Variants in PLCZ1 observed in about 807,000 individuals in gnomAD.
The protein encoded by PLCZ1 is 1-phosphatidylinositol 4,5-bisphosphate phosphodiesterase zeta-1.
In PLCZ1, 64 loss-of-function variants were observed where a neutral mutation model predicts 76.8. That is an observed-to-expected ratio of 0.83 (90% CI 0.68 to 1.03). The LOEUF is 1.03. PLCZ1 is among the 50% of genes least tolerant of loss of function. The pLI, the probability that PLCZ1 is intolerant of heterozygous loss-of-function variation, is 0.00. For missense variants in PLCZ1, 751 were observed against 713.7 expected, an observed-to-expected ratio of 1.05 and a Z score of -0.60; for synonymous variants, 248 against 230.8, an observed-to-expected ratio of 1.07 and a Z score of -0.68.
At chr12:18,657,780 G>A in the PLCZ1 span, among the ~76,000 whole-genome samples, 1 of 152,078 alleles carries the variant, frequency 6.6e-6, no homozygotes, top group Non-Finnish European at 1.5e-5. Context: ...ACAAAAAATT[G>A]TGAAGTGTGC....
intron 6 of PLCZ1, among the ~76,000 whole-genome samples, chr12:18,706,374 A>AT (rs1956621257): frequency 6.6e-6 from 1 of 152,202 alleles, no homozygotes; most frequent in African/African-American, 2.4e-5. Flanking sequence ...ATATTTAGAG[A>AT]TTTTAAAAAG....
chr12:18,716,830 A>T (rs1284062718), intron 5 of PLCZ1, among the ~76,000 whole-genome samples: 1 of 152,184 alleles, frequency 6.6e-6, no homozygotes, highest in Non-Finnish European at 1.5e-5. Context: ...TTGAAGTTGA[A>T]TTTTAACTGG....
chr12:18,684,615 A>G lies in PLCZ1; in HGVS notation c.1592-336T>C, dbSNP rs150932950. Among the ~76,000 whole-genome samples, 95 of 152,214 alleles carry G rather than the reference A, an allele frequency of 6.2e-4. 2 individuals are homozygous for G. Among genetic ancestry groups the G allele is most frequent in the African/African-American group, 2.2e-3 (90 of 41,568 alleles). ...TCATTAAGTGGCAGATCAGGAATTC[A>G]AAAACGGGGAGTCTGACTTCAGAGC... On this transcript the variant is annotated intron_variant, in intron 13 of 14. Transcript: ENST00000266505.
the PLCZ1 span, among the ~76,000 whole-genome samples, chr12:18,671,647 A>AT: frequency 6.6e-6 from 1 of 152,160 alleles, no homozygotes; most frequent in Non-Finnish European, 1.5e-5. Context: ...TATATTGGAT[A>AT]TAAAAAAAAA....
intron 7 of PLCZ1, among the ~76,000 whole-genome samples, chr12:18,702,636 C>G (rs1592129902): frequency 6.6e-6 from 1 of 152,036 alleles, no homozygotes; most frequent in Non-Finnish European, 1.5e-5. Context: ...ACCAAATGCA[C>G]TCTGCAATCC....
intron 12 of PLCZ1, chr12:18,693,449 T>TA (rs1954449162): frequency 6.2e-7 from 1 of 1,605,672 alleles, no homozygotes; most frequent in Non-Finnish European, 8.5e-7. Context: ...GGTCATTCTC[T>TA]GTGGTCCACC....
intron 12 of PLCZ1, 85 bp downstream of exon 12, chr12:18,694,825 A>T (rs1954717682): frequency 9.2e-7 from 1 of 1,081,224 alleles, no homozygotes; most frequent in Non-Finnish European, 1.3e-6. Context: ...AAATTGAAGC[A>T]AATCAGTGGA....
chr12:18,726,952 A>C (rs1477910453), intron 3 of PLCZ1, among the ~76,000 whole-genome samples: 1 of 152,042 alleles, frequency 6.6e-6, no homozygotes, highest in Non-Finnish European at 1.5e-5. Context: ...CAGATACTAT[A>C]CTGGGTAACA....
At chr12:18,708,154 C>G (rs1422018418) in intron 6 of PLCZ1, among the ~76,000 whole-genome samples, 1 of 152,156 alleles carries the variant, frequency 6.6e-6, no homozygotes, top group African/African-American at 2.4e-5. Flanking sequence ...CTCTGACCTA[C>G]CTTTCTCCAT....
chr12:18,684,474 G>A (rs1013319744), intron 13 of PLCZ1, among the ~76,000 whole-genome samples, 195 bp from the exon 14 acceptor site: 2 of 151,972 alleles, frequency 1.3e-5, no homozygotes, highest in African/African-American at 4.8e-5. Context: ...CTATTGCTGG[G>A]CAATGTTCTA....
chr12:18,713,129 G>T, intron 5 of PLCZ1, 143 bp from the exon 6 acceptor site: 3 of 1,105,642 alleles, frequency 2.7e-6, no homozygotes, highest in Non-Finnish European at 3.9e-6. Context: ...TTGTCTTTGG[G>T]ACAAGTTTTG....
At chr12:18,682,697 C>T (rs373868538), downstream of PLCZ1, among the ~76,000 whole-genome samples, 2 of 151,908 alleles carry the variant, frequency 1.3e-5, no homozygotes, top group South Asian at 2.1e-4. Context: ...TATACACACT[C>T]GTAAAAATGG....
chr12:18,677,084 G>C, the PLCZ1 span, among the ~76,000 whole-genome samples: 10 of 152,104 alleles, frequency 6.6e-5, no homozygotes, highest in Admixed American at 2.0e-4. Flanking sequence ...TACCAGGGAA[G>C]AAAGCTCTGT....
intron 12 of PLCZ1, chr12:18,693,486 A>G: frequency 6.2e-7 from 1 of 1,609,188 alleles, no homozygotes; most frequent in Admixed American, 1.7e-5. Context: ...TTGTTAGCCA[A>G]AGCAGTAGCA....
chr12:18,652,933 CAG>C, the PLCZ1 span, among the ~76,000 whole-genome samples: 8 of 149,974 alleles, frequency 5.3e-5, no homozygotes, highest in East Asian at 2.0e-4. Flanking sequence ...CTGTCTCACA[CAG>C]AGAGAGAGAG....
At chr12:18,686,514 G>A (rs1347663463) in intron 13 of PLCZ1, among the ~76,000 whole-genome samples, 1 of 151,150 alleles carries the variant, frequency 6.6e-6, no homozygotes, top group South Asian at 2.1e-4. Flanking sequence ...TAGGACTTGT[G>A]TTCTGTCTCT....
chr12:18,728,493 G>A (rs1958875960), intron 3 of PLCZ1, among the ~76,000 whole-genome samples: 1 of 152,108 alleles, frequency 6.6e-6, no homozygotes, highest in Admixed American at 6.6e-5. Context: ...CTCAGGAAAA[G>A]TTTGTAATGT....
intron 10 of PLCZ1, among the ~76,000 whole-genome samples, chr12:18,698,574 C>G (rs575226382): frequency 1.3e-5 from 2 of 152,236 alleles, no homozygotes; most frequent in Non-Finnish European, 2.9e-5. Flanking sequence ...TTTCTCAAGT[C>G]AATTGCAGGT....
the PLCZ1 span, among the ~76,000 whole-genome samples, chr12:18,675,194 TACAGTC>T: frequency 8.5e-5 from 13 of 152,190 alleles, no homozygotes; most frequent in Non-Finnish European, 1.9e-4. Flanking sequence ...TCTAGATGGC[TACAGTC>T]ACATGAGTAA....
Sources: allele counts gnomAD v4.1 joint callset (sites outside exome capture counted in the v4.1 genomes callset), GRCh38; gene constraint gnomAD v4.1.1; transcripts MANE v1.5; gene names NCBI Gene and HGNC (gene_info 2026-07-23, HGNC 2026-07-21).